FRMD4A: variants seen among roughly 807,000 people sequenced by gnomAD.
FRMD4A encodes the protein FERM domain containing 4A.
A neutral mutation model predicts 129.1 loss-of-function variants in FRMD4A; 29 were observed. The observed-to-expected ratio is 0.22, with a 90% CI of 0.17 to 0.31. The LOEUF is 0.31. FRMD4A is among the 10% of genes least tolerant of loss of function. The pLI is 1.00. For synonymous variants in FRMD4A, 634 were observed against 571.6 expected (o/e 1.11, Z -1.56); for missense variants, 1,272 against 1,375.8 (o/e 0.92, Z 1.19).
intron 2 of FRMD4A, among the ~76,000 whole-genome samples, chr10:14,243,845 G>A (rs1460153190): frequency 6.4e-5 from 8 of 125,442 alleles, no homozygotes; most frequent in Admixed American, 7.8e-5. Flanking sequence ...AAAAAAAAAA[G>A]GAGTAGTCAG....
At chr10:13,715,201 C>T (rs985321911) in intron 12 of FRMD4A, among the ~76,000 whole-genome samples, 4 of 152,024 alleles carry the variant, frequency 2.6e-5, no homozygotes, top group African/African-American at 4.8e-5. Context: ...AGGTCAGGAG[C>T]CCTCAGTTCT....
intron 5 of FRMD4A, among the ~76,000 whole-genome samples, chr10:13,787,208 C>T (rs377724933): frequency 8.5e-5 from 13 of 152,314 alleles, no homozygotes; most frequent in African/African-American, 2.6e-4. Flanking sequence ...ATCACCAAGA[C>T]GACAGCCTGG....
chr10:13,834,936 C>A (rs1277803906), intron 3 of FRMD4A, among the ~76,000 whole-genome samples: 1 of 152,176 alleles, frequency 6.6e-6, no homozygotes, highest in Non-Finnish European at 1.5e-5. Context: ...AGCAAATGGA[C>A]TTCCAGACAA....
At chr10:13,651,696 C>T (rs2081604425) in intron 24 of FRMD4A, 1 of 575,244 alleles carries the variant, frequency 1.7e-6, no homozygotes, top group Non-Finnish European at 3.1e-6. Flanking sequence ...CTCTGGGGGT[C>T]TTTTCTGGGA....
intron 2 of FRMD4A, among the ~76,000 whole-genome samples, chr10:14,029,823 A>T (rs894559091): frequency 6.7e-6 from 1 of 148,572 alleles, no homozygotes; most frequent in Non-Finnish European, 1.5e-5. Context: ...AAAAAAAAAA[A>T]AAACTACATG....
chr10:13,953,083 G>C (rs983118127), intron 2 of FRMD4A, among the ~76,000 whole-genome samples: 2 of 152,110 alleles, frequency 1.3e-5, no homozygotes, highest in Non-Finnish European at 2.9e-5. Flanking sequence ...CAGCTGATGT[G>C]AGGACTAAAT....
intron 2 of FRMD4A, among the ~76,000 whole-genome samples, chr10:13,997,563 A>G (rs1378642982): frequency 4.6e-5 from 7 of 151,490 alleles, no homozygotes; most frequent in African/African-American, 7.3e-5. Flanking sequence ...TGAGGTGGAG[A>G]CCAGGCATCT....
intron 2 of FRMD4A, among the ~76,000 whole-genome samples, chr10:14,032,528 GAACCGCAAGTAGCGCT>G (rs1373819231): frequency 6.6e-6 from 1 of 152,198 alleles, no homozygotes; most frequent in Non-Finnish European, 1.5e-5. Context: ...TGTAAACGGT[GAACCGCAAGTAGCGCT>G]ATCCACACCC....
intron 24 of FRMD4A, chr10:13,649,509 A>G (rs542196704): frequency 2.2e-5 from 3 of 135,320 alleles, no homozygotes; most frequent in Non-Finnish European, 5.2e-5. Context: ...GAGCCGCAGT[A>G]TGGAAACCAC....
chr10:13,680,545 C>A (rs746193827), intron 15 of FRMD4A, among the ~76,000 whole-genome samples: 2 of 150,570 alleles, frequency 1.3e-5, no homozygotes. Flanking sequence ...GCCAACATGG[C>A]GAAACCCTGT....
intron 2 of FRMD4A, among the ~76,000 whole-genome samples, chr10:14,130,627 T>C (rs1055650638): frequency 1.3e-5 from 2 of 152,142 alleles, no homozygotes; most frequent in Admixed American, 1.3e-4. Flanking sequence ...CCCGGTGATA[T>C]TGGTAAGCGC....
intron 2 of FRMD4A, among the ~76,000 whole-genome samples, chr10:13,908,325 C>T (rs1471843128): frequency 6.6e-6 from 1 of 152,172 alleles, no homozygotes; most frequent in Non-Finnish European, 1.5e-5. Flanking sequence ...CTCCCCATTC[C>T]CTCCCCAGAA....
At chr10:14,174,648 G>A (rs752537571) in intron 2 of FRMD4A, among the ~76,000 whole-genome samples, 2 of 151,978 alleles carry the variant, frequency 1.3e-5, no homozygotes, top group Non-Finnish European at 2.9e-5. Flanking sequence ...TGCTTTTCTG[G>A]TCTGTGTACA....
intron 2 of FRMD4A, among the ~76,000 whole-genome samples, chr10:13,867,121 C>T (rs1465502079): frequency 6.6e-6 from 1 of 152,114 alleles, no homozygotes; most frequent in African/African-American, 2.4e-5. Flanking sequence ...AACTTTAGTC[C>T]TCATGTTGTA....
chr10:13,887,104 C>T (rs1366610372), intron 2 of FRMD4A, among the ~76,000 whole-genome samples: 1 of 140,906 alleles, frequency 7.1e-6, no homozygotes, highest in African/African-American at 2.6e-5. Flanking sequence ...GTAGAGATCG[C>T]CCTTCCTAAC....
In FRMD4A at chr10:13,884,233, CACACACA is replaced by C. The variant is rs1589156098; in HGVS notation, c.46-25328_46-25322del. Among the ~76,000 whole-genome samples the C allele has an allele frequency of 1.4e-4, 21 of 150,948 alleles. 1 individual carries two copies. Among genetic ancestry groups the C allele is most frequent in the East Asian group, 3.9e-4 (2 of 5,100 alleles). On this transcript the variant is annotated intron_variant, in intron 2 of 24. Coordinates refer to ENST00000357447, the MANE Select transcript of FRMD4A (RefSeq NM_018027.5). ...TCACACACACACACACACACACACACACACACACTCCCTAAAAGGCATCCTGTATATT... is the reference window on the plus strand; with the variant it reads ...TCACACACACACACACACACACACACCTCCCTAAAAGGCATCCTGTATATT...
intron 2 of FRMD4A, among the ~76,000 whole-genome samples, chr10:13,940,407 TGA>T (rs1190187493): frequency 6.6e-6 from 1 of 152,170 alleles, no homozygotes; most frequent in East Asian, 1.9e-4. Flanking sequence ...TCTACTTCCA[TGA>T]GAGGACAGCA....
intron 2 of FRMD4A, among the ~76,000 whole-genome samples, chr10:14,120,897 A>C (rs1412759870): frequency 6.6e-6 from 1 of 152,218 alleles, no homozygotes; most frequent in Non-Finnish European, 1.5e-5. Context: ...AGGTGTGGGC[A>C]TCTTGGCTGG....
intron 2 of FRMD4A, among the ~76,000 whole-genome samples, chr10:14,262,891 T>C (rs1428606827): frequency 6.6e-6 from 1 of 152,172 alleles, no homozygotes; most frequent in Non-Finnish European, 1.5e-5. Flanking sequence ...CAAGTCAGCA[T>C]ACTGAATAGT....
Sources: allele counts gnomAD v4.1 joint callset (sites outside exome capture counted in the v4.1 genomes callset), GRCh38; gene constraint gnomAD v4.1.1; transcripts MANE v1.5; gene names NCBI Gene and HGNC (gene_info 2026-07-23, HGNC 2026-07-21).